The following HERC3 variants were observed in gnomAD, a reference collection of about 807,000 sequenced individuals.
HERC3 encodes the protein probable E3 ubiquitin-protein ligase HERC3.
In HERC3, 58 loss-of-function variants were observed where a neutral mutation model predicts 129.9. That is an observed-to-expected ratio of 0.45 (90% CI 0.36 to 0.56). HERC3 has a LOEUF of 0.56. Ranked by LOEUF, HERC3 falls within the 20% of genes least tolerant of loss-of-function variation. HERC3 has a pLI of 0.00. For missense variants in HERC3, 835 were observed against 1,244.2 expected (o/e 0.67, Z 4.95); for synonymous variants, 430 against 451.0 (o/e 0.95, Z 0.59).
the HERC3 span, among the ~76,000 whole-genome samples, chr4:88,558,071 C>CAAAAAAAAAAAAAAAA: frequency 5.1e-5 from 2 of 39,154 alleles, no homozygotes; most frequent in Non-Finnish European, 1.3e-4. Context: ...GACTCTGACT[C>CAAAAAAAAAAAAAAAA]AAAAAAAAAA....
chr4:88,539,573 C>T, the HERC3 span, among the ~76,000 whole-genome samples: 8 of 152,156 alleles, frequency 5.3e-5, no homozygotes, highest in Non-Finnish European at 8.8e-5. Context: ...AGCAGTGGCA[C>T]GGCGTTTGAG....
intron 3 of HERC3, among the ~76,000 whole-genome samples, chr4:88,648,735 G>T (rs538520401): frequency 6.6e-6 from 1 of 151,446 alleles, no homozygotes; most frequent in African/African-American, 2.4e-5. Context: ...ATTTTTTTTT[G>T]AAATATTTAT....
chr4:88,683,547 G>T (rs1182406154), intron 21 of HERC3, among the ~76,000 whole-genome samples: 1 of 152,196 alleles, frequency 6.6e-6, no homozygotes, highest in Non-Finnish European at 1.5e-5. Context: ...TTCAAGTAAT[G>T]ACTTTGGCTG....
chr4:88,532,966 C>T, the HERC3 span, among the ~76,000 whole-genome samples: 1 of 152,188 alleles, frequency 6.6e-6, no homozygotes, highest in East Asian at 1.9e-4. Flanking sequence ...AGAATTGACT[C>T]ACACGGTCAC....
the HERC3 span, among the ~76,000 whole-genome samples, chr4:88,545,477 C>T: frequency 8.4e-5 from 12 of 142,964 alleles, no homozygotes; most frequent in South Asian, 4.4e-4. Context: ...CTGTCACCCA[C>T]GCCAAAGTGC....
chr4:88,611,237 C>A (rs905012760), intron 3 of HERC3, among the ~76,000 whole-genome samples: 1 of 152,080 alleles, frequency 6.6e-6, no homozygotes, highest in Non-Finnish European at 1.5e-5. Flanking sequence ...TTAACTTTTT[C>A]GTTGGTAGGT....
chr4:88,648,857 C>G (rs934005278), intron 3 of HERC3, among the ~76,000 whole-genome samples: 1 of 150,840 alleles, frequency 6.6e-6, no homozygotes, highest in Non-Finnish European at 1.5e-5. Flanking sequence ...CTTCTATTTC[C>G]TAGAAAATCT....
chr4:88,576,233 G>T, the HERC3 span, among the ~76,000 whole-genome samples: 1 of 151,946 alleles, frequency 6.6e-6, no homozygotes, highest in Admixed American at 6.6e-5. Flanking sequence ...TAACCTCCTG[G>T]TTGGCCTTTA....
intron 21 of HERC3, among the ~76,000 whole-genome samples, chr4:88,683,265 CT>C (rs1252105726): frequency 9.9e-5 from 15 of 152,066 alleles, no homozygotes; most frequent in African/African-American, 3.4e-4. Flanking sequence ...AAAAGGACAA[CT>C]TTAACGGGAG....
chr4:88,552,727 G>T, the HERC3 span, among the ~76,000 whole-genome samples: 2 of 152,126 alleles, frequency 1.3e-5, no homozygotes, highest in Non-Finnish European at 2.9e-5. Flanking sequence ...ATTAAATTGA[G>T]GTCAACATTA....
In HERC3 at chr4:88,676,241, G is replaced by A; in HGVS notation, c.1935G>A (p.Gln645=). 6.4e-7 allele frequency: 1 copy of A among 1,570,456 alleles called. No individual in the cohort carries two copies. Among genetic ancestry groups the A allele is most frequent in the African/African-American group, 1.3e-5 (1 of 74,108 alleles). ...AGMKARPSII[Q]DTVTLCSYPF... is the part of the protein sequence containing the mutation. Reference sequence around the variant, plus strand: ...AGAAGGCTAGACCATCAATAATACAGGTAAATGATCCTTTTTAAATTTGCT... The same window carrying A: ...AGAAGGCTAGACCATCAATAATACAAGTAAATGATCCTTTTTAAATTTGCT... The change falls in exon 17 of 26, where the codon CAG becomes CAA. Residue 645 remains glutamine (Q), a splice_region_variant and synonymous_variant. Transcript: ENST00000402738.
chr4:88,642,688 A>G (rs988984729), intron 3 of HERC3, among the ~76,000 whole-genome samples: 3 of 152,148 alleles, frequency 2.0e-5, no homozygotes, highest in Non-Finnish European at 4.4e-5. Flanking sequence ...TCTCTTTTAT[A>G]AGGGCACTAA....
In HERC3 at chr4:88,669,659, A is replaced by C. The variant is rs1008452584; in HGVS notation, c.1634-201A>C. Among the ~76,000 whole-genome samples the C allele has an allele frequency of 3.9e-5, 6 of 152,310 alleles. No individual in the cohort carries two copies. In the East Asian group the frequency reaches 1.2e-3, roughly 29 times the overall value. On this transcript the variant is annotated intron_variant, in intron 14 of 25. Transcript: ENST00000402738. Reference sequence around the variant, plus strand: ...GCAAAAAATCAGACCAGGCTTTACAAAAAAAGCTCCAGGGATTCTTTTACA... The same window carrying C: ...GCAAAAAATCAGACCAGGCTTTACACAAAAAGCTCCAGGGATTCTTTTACA...
chr4:88,654,348 TCATA>T (rs1375865252), intron 7 of HERC3, among the ~76,000 whole-genome samples: 4,246 of 109,608 alleles, frequency 0.039, 96 homozygotes, highest in Middle Eastern at 0.15. Flanking sequence ...TGTAGATTTT[TCATA>T]TATATATATA....
chr4:88,641,069 G>T (rs28890485), intron 3 of HERC3, among the ~76,000 whole-genome samples: 1 of 151,930 alleles, frequency 6.6e-6, no homozygotes, highest in South Asian at 2.1e-4. Context: ...ATACAAACAT[G>T]AACAAATTTT....
the HERC3 span, among the ~76,000 whole-genome samples, chr4:88,566,458 A>G: frequency 6.6e-6 from 1 of 152,120 alleles, no homozygotes; most frequent in African/African-American, 2.4e-5. Context: ...ATTGTACTCT[A>G]TATCTTGAAG....
rs1464747448 is a variant in HERC3 at position 88,654,348 on chromosome 4, TCATATATA to T, written c.777+216_777+223del. 9.7e-4 allele frequency among the ~76,000 whole-genome samples: 106 copies of T among 109,654 alleles called. 1 individual carries two copies. The highest frequency in any genetic ancestry group is 3.1e-3 in the African/African-American group (99 of 31,482). 71.9% of individuals were successfully genotyped at this position (109,654 alleles called of 152,430 possible). On this transcript the variant is annotated intron_variant, in intron 7 of 25. Coordinates refer to ENST00000402738, the MANE Select transcript of HERC3 (RefSeq NM_014606.3). ...CCTCTTTGGTAATCTTGTAGATTTT[TCATATATA>T]TATATATATATATATATATATATAT...
chr4:88,547,964 CATA>C, the HERC3 span, among the ~76,000 whole-genome samples: 1 of 152,152 alleles, frequency 6.6e-6, no homozygotes, highest in African/African-American at 2.4e-5. Flanking sequence ...CCACATTTAG[CATA>C]ATGTTTTAAA....
the HERC3 span, among the ~76,000 whole-genome samples, chr4:88,576,394 T>C: frequency 8.5e-5 from 13 of 152,166 alleles, no homozygotes; most frequent in Non-Finnish European, 1.5e-5. Flanking sequence ...TTTCTCTAAA[T>C]TTACCTCCTG....
Sources: gnomAD v4.1 joint callset for allele counts (sites outside exome capture counted in the v4.1 genomes callset) on GRCh38, gnomAD v4.1.1 for gene constraint, MANE v1.5 for transcripts, NCBI Gene and HGNC (gene_info 2026-07-23, HGNC 2026-07-21) for gene names.